The following ACAP2 variants were observed in gnomAD, a reference collection of about 807,000 sequenced individuals.
The protein encoded by ACAP2 is arf-GAP with coiled-coil, ANK repeat and PH domain-containing protein 2.
In ACAP2, 39 loss-of-function variants were observed where a neutral mutation model predicts 115.8. The observed-to-expected ratio is 0.34, with a 90% confidence interval of 0.26 to 0.44. ACAP2 has a LOEUF of 0.44. Among genes scored for constraint, ACAP2 ranks in the 20% least tolerant of loss-of-function variants. ACAP2 has a pLI of 1.00. For synonymous variants in ACAP2, 289 were observed against 315.8 expected (o/e 0.92, Z 0.90); for missense variants, 662 against 927.6 (o/e 0.71, Z 3.72).
intron 1 of ACAP2, among the ~76,000 whole-genome samples, chr3:195,435,052 T>C (rs992294431): frequency 9.9e-5 from 15 of 152,052 alleles, no homozygotes; most frequent in Non-Finnish European, 1.8e-4. Context: ...TTTTTCTCAA[T>C]TGTTCTCTTC....
At chr3:195,414,970 T>G (rs1002980250) in intron 1 of ACAP2, among the ~76,000 whole-genome samples, 2 of 151,374 alleles carry the variant, frequency 1.3e-5, no homozygotes, top group Non-Finnish European at 2.9e-5. Context: ...CTGCTGGGAG[T>G]TGGGGTAAAG....
chr3:195,350,797 C>G (rs1326536543), intron 4 of ACAP2, among the ~76,000 whole-genome samples: 1 of 151,662 alleles, frequency 6.6e-6, no homozygotes, highest in Non-Finnish European at 1.5e-5. Context: ...GAGCCACATG[C>G]AAAGAATTTA....
At chr3:195,296,776 T>A (rs1316343603) in intron 16 of ACAP2, among the ~76,000 whole-genome samples, 1 of 152,200 alleles carries the variant, frequency 6.6e-6, no homozygotes, top group Non-Finnish European at 1.5e-5. Flanking sequence ...ATGCCATGCA[T>A]AAACTATGTG....
rs183817278 is a variant in ACAP2 at position 195,320,664 on chromosome 3, T to C, written c.857+37A>G. ...ACAGGGAAAGTCAGAAAATCAAAAC[T>C]ATGTATAGATCAAGACTAGTATTTG... On this transcript the variant is annotated intron_variant, in intron 10 of 22. Coordinates refer to ENST00000326793, the MANE Select transcript of ACAP2 (RefSeq NM_012287.6). 1.1e-4 allele frequency: 153 copies of C among 1,437,566 alleles called. 1 individual carries two copies. In the East Asian group the frequency reaches 3.1e-3, roughly 30 times the overall value. The allele number at this position is 1,437,566 out of a possible 1,614,324, so 89.1% of individuals were successfully genotyped here.
intron 4 of ACAP2, among the ~76,000 whole-genome samples, chr3:195,352,313 C>CCT (rs1731666549): frequency 2.0e-5 from 3 of 152,138 alleles, no homozygotes; most frequent in Non-Finnish European, 2.9e-5. Flanking sequence ...ATGATACTCA[C>CCT]ACAATGAAGA....
chr3:195,367,052 C>CAAAAAAAAA (rs35590029), intron 4 of ACAP2, among the ~76,000 whole-genome samples: 1 of 76,240 alleles, frequency 1.3e-5, no homozygotes, highest in Non-Finnish European at 2.8e-5. Context: ...CCAACCCCGC[C>CAAAAAAAAA]AAAAAAAAAA....
chr3:195,363,480 T>C lies in ACAP2; in HGVS notation c.285+17529A>G, dbSNP rs184093316. ...CAACATGAAGAAACTCCGTCTCTACTAAAAATACAAAATTAACTAGGCGTG... is the reference window on the plus strand; with the variant it reads ...CAACATGAAGAAACTCCGTCTCTACCAAAAATACAAAATTAACTAGGCGTG... On this transcript the variant is annotated intron_variant, in intron 4 of 22. Coordinates refer to ENST00000326793, the MANE Select transcript of ACAP2 (RefSeq NM_012287.6). 1.8e-3 allele frequency among the ~76,000 whole-genome samples: 268 copies of C among 152,144 alleles called. 1 individual carries two copies. The highest frequency in any genetic ancestry group is 5.0e-3 in the African/African-American group (209 of 41,520).
At chr3:195,400,071 G>A (rs970121449) in intron 1 of ACAP2, among the ~76,000 whole-genome samples, 10 of 151,876 alleles carry the variant, frequency 6.6e-5, no homozygotes, top group East Asian at 1.9e-4. Context: ...CCAGCTACTC[G>A]GGGGGCTGAG....
At chr3:195,328,519 G>C (rs1360791428) in intron 8 of ACAP2, among the ~76,000 whole-genome samples, 1 of 152,090 alleles carries the variant, frequency 6.6e-6, no homozygotes, top group East Asian at 1.9e-4. Flanking sequence ...ACATACCTTA[G>C]TGACACGTAG....
At chr3:195,294,658 T>C in intron 18 of ACAP2, 61 bp downstream of exon 18, 1 of 684,372 alleles carries the variant, frequency 1.5e-6, no homozygotes, top group Non-Finnish European at 2.3e-6. Context: ...AAGGTAAACA[T>C]TTACCACATG....
chr3:195,402,864 A>T (rs1018932532), intron 1 of ACAP2, among the ~76,000 whole-genome samples: 7 of 152,226 alleles, frequency 4.6e-5, no homozygotes, highest in African/African-American at 1.7e-4. Context: ...CTTTTCTTTA[A>T]CAACAAACGG....
At chr3:195,345,761 G>A (rs190099842) in intron 4 of ACAP2, among the ~76,000 whole-genome samples, 2 of 152,260 alleles carry the variant, frequency 1.3e-5, no homozygotes, top group South Asian at 2.1e-4. Flanking sequence ...TGGGGAAGAC[G>A]TGGGGACTTA....
At chr3:195,424,261 G>GTGTGTATATATATATATA (rs1456909404) in intron 1 of ACAP2, among the ~76,000 whole-genome samples, 8 of 54,674 alleles carry the variant, frequency 1.5e-4, no homozygotes, top group Admixed American at 2.8e-4. Context: ...GTGTGTGTGT[G>GTGTGTATATATATATATA]TATATATATA....
chr3:195,367,732 C>A (rs992936614), intron 4 of ACAP2, among the ~76,000 whole-genome samples: 1 of 150,394 alleles, frequency 6.6e-6, no homozygotes, highest in African/African-American at 2.4e-5. Context: ...AGAAGTCTGA[C>A]TAGCCTGCTG....
intron 15 of ACAP2, among the ~76,000 whole-genome samples, chr3:195,297,669 G>C (rs1727745189): frequency 1.3e-5 from 2 of 152,156 alleles, no homozygotes; most frequent in African/African-American, 4.8e-5. Context: ...GCCAGTGTTA[G>C]GACAGTAAGT....
At chr3:195,430,511 C>T (rs9814738) in intron 1 of ACAP2, among the ~76,000 whole-genome samples, 5,948 of 152,152 alleles carry the variant, frequency 0.039, 183 homozygotes, top group Non-Finnish European at 0.061. Context: ...GTCAGAAGTT[C>T]GAGACCATAC....
At chr3:195,351,513 G>A (rs1047706147) in intron 4 of ACAP2, among the ~76,000 whole-genome samples, 3 of 149,972 alleles carry the variant, frequency 2.0e-5, no homozygotes, top group African/African-American at 7.4e-5. Flanking sequence ...TCACCCTGGA[G>A]TGCAGTGGCG....
intron 1 of ACAP2, among the ~76,000 whole-genome samples, chr3:195,402,260 C>A (rs1327320585): frequency 2.0e-5 from 3 of 152,072 alleles, no homozygotes; most frequent in African/African-American, 7.2e-5. Context: ...TGGGGTCACG[C>A]AAAATGGTGA....
chr3:195,321,244 A>G (rs1196059384), intron 9 of ACAP2, among the ~76,000 whole-genome samples: 1 of 122,908 alleles, frequency 8.1e-6, no homozygotes, highest in Non-Finnish European at 1.6e-5. Context: ...TTTTTTTGAG[A>G]CAGAGTCTCG....
Sources: allele counts gnomAD v4.1 joint callset (sites outside exome capture counted in the v4.1 genomes callset), GRCh38; gene constraint gnomAD v4.1.1; transcripts MANE v1.5; gene names NCBI Gene and HGNC (gene_info 2026-07-23, HGNC 2026-07-21).